The following CTNNA1 variants were observed in gnomAD, a reference collection of about 807,000 sequenced individuals.
CTNNA1 encodes the protein catenin alpha-1.
A neutral mutation model predicts 98.4 loss-of-function variants in CTNNA1; 37 were observed. That is an observed-to-expected ratio of 0.38 (90% confidence interval 0.29 to 0.49). CTNNA1 has a LOEUF of 0.49. Ranked by LOEUF, CTNNA1 falls within the 20% of genes least tolerant of loss-of-function variation. CTNNA1 has a pLI of 0.95. For synonymous variants in CTNNA1, 404 were observed against 413.2 expected, an observed-to-expected ratio of 0.98 and a Z score of 0.27; for missense variants, 761 against 1,147.2, an observed-to-expected ratio of 0.66 and a Z score of 4.86.
rs1750943075 is a variant in CTNNA1 at position 138,873,762 on chromosome 5, C to T, written c.1063-12450C>T. 1 of 1,613,968 alleles carries T rather than the reference C, an allele frequency of 6.2e-7. No individual in the cohort carries two copies. Among genetic ancestry groups the T allele is most frequent in the Non-Finnish European group, 8.5e-7 (1 of 1,179,888 alleles). Reference sequence around the variant, plus strand: ...GTTTCAAACACTGTCAAGTCGATGGCTTTGATTTCATTTCCAGTCAGGTCT... The same window carrying T: ...GTTTCAAACACTGTCAAGTCGATGGTTTTGATTTCATTTCCAGTCAGGTCT... On this transcript the variant is annotated intron_variant, in intron 7 of 17. Coordinates refer to ENST00000302763, the MANE Select transcript of CTNNA1 (RefSeq NM_001903.5). The surrounding 1 kb of genome is among the most constrained non-coding windows in gnomAD (Gnocchi z 6.1).
chr5:138,820,129 A>G (rs911033286), intron 5 of CTNNA1, among the ~76,000 whole-genome samples: 2 of 149,060 alleles, frequency 1.3e-5, no homozygotes, highest in Non-Finnish European at 3.0e-5. Flanking sequence ...CAGTGCAAGT[A>G]TGGGCTAATA....
At chr5:138,906,132 A>G (rs1759206655) in intron 10 of CTNNA1, among the ~76,000 whole-genome samples, 1 of 152,092 alleles carries the variant, frequency 6.6e-6, no homozygotes, top group Admixed American at 6.5e-5. Context: ...TTAGTAGGGC[A>G]TTTGTTCTAA....
intron 3 of CTNNA1, among the ~76,000 whole-genome samples, chr5:138,788,992 G>C (rs1756030588): frequency 6.6e-6 from 1 of 152,170 alleles, no homozygotes; most frequent in Admixed American, 6.5e-5. Context: ...CCACCTTTTT[G>C]TATTCCTGCA....
chr5:138,915,012 T>A (rs1311547773), intron 10 of CTNNA1, among the ~76,000 whole-genome samples: 1 of 152,124 alleles, frequency 6.6e-6, no homozygotes, highest in Admixed American at 6.5e-5. Flanking sequence ...CCAGATGTGG[T>A]GGCGGGCGCC....
In CTNNA1 at chr5:138,932,607, G is replaced by A. The variant is rs774704189; in HGVS notation, c.2328G>A (p.Leu776=). ...CCGACTCGGCTTGCAAGCAGGACCT[G>A]CTGGCCTACCTGCAACGCATCGCCC... ...HCPDSACKQD[L]LAYLQRIALY... Residue 776 remains leucine, a synonymous_variant, in exon 17 of 18, where the codon CTG becomes CTA. Transcript: ENST00000302763. 13 of 1,614,172 alleles carry A rather than the reference G, an allele frequency of 8.1e-6. No homozygotes were observed. In the Middle Eastern group the frequency reaches 4.9e-4, roughly 61 times the overall value.
chr5:138,776,619 G>C (rs1460072981), intron 1 of CTNNA1, among the ~76,000 whole-genome samples: 1 of 152,042 alleles, frequency 6.6e-6, no homozygotes, highest in East Asian at 1.9e-4. Flanking sequence ...CAGTAGGAGC[G>C]GCCGGGCAGA....
rs376995990 is a variant in CTNNA1, at chr5:138,914,212, G to A, written c.1390-3530G>A. ...CTTTGTAGTGAAAAATAAGTAAAAC[G>A]TGTGATTAATTCCCTGCCCATGTTT... On this transcript the variant is annotated intron_variant, in intron 10 of 17. Coordinates refer to ENST00000302763, the MANE Select transcript of CTNNA1 (RefSeq NM_001903.5). Among the ~76,000 whole-genome samples the A allele has an allele frequency of 1.5e-3, 233 of 152,238 alleles. 1 individual carries two copies. Among genetic ancestry groups the A allele is most frequent in the African/African-American group, 5.1e-3 (211 of 41,540 alleles).
chr5:138,815,216 C>T (rs921350625), intron 5 of CTNNA1, among the ~76,000 whole-genome samples: 1 of 151,590 alleles, frequency 6.6e-6, no homozygotes, highest in Non-Finnish European at 1.5e-5. Context: ...GTATTTTTTT[C>T]ATGTGTTTTT....
chr5:138,829,404 T>C (rs1469653398), intron 7 of CTNNA1, among the ~76,000 whole-genome samples: 1 of 152,164 alleles, frequency 6.6e-6, no homozygotes, highest in Non-Finnish European at 1.5e-5. Flanking sequence ...AAAAGTGTCT[T>C]ATGTAGTTAT....
intron 7 of CTNNA1, among the ~76,000 whole-genome samples, chr5:138,862,649 T>A (rs1228109094): frequency 6.6e-6 from 1 of 152,104 alleles, no homozygotes; most frequent in Non-Finnish European, 1.5e-5. Context: ...ATATCATATC[T>A]AATATTATAG....
intron 10 of CTNNA1, among the ~76,000 whole-genome samples, chr5:138,910,222 T>C (rs1435009326): frequency 7.9e-6 from 1 of 126,096 alleles, no homozygotes; most frequent in Non-Finnish European, 1.6e-5. Context: ...TGTTTCCTAC[T>C]TTTCTTTTTT....
At chr5:138,875,732 ATGCAAGGTAGTGTCGC>A in intron 7 of CTNNA1, 3 of 985,286 alleles carry the variant, frequency 3.0e-6, no homozygotes, top group Non-Finnish European at 3.6e-6. Context: ...ACACCAGCCT[ATGCAAGGTAGTGTCGC>A]TGCACTGGTA....
intron 3 of CTNNA1, among the ~76,000 whole-genome samples, chr5:138,802,062 A>T (rs1469746330): frequency 6.6e-6 from 1 of 152,210 alleles, no homozygotes; most frequent in Admixed American, 6.5e-5. Flanking sequence ...AATGTTGGAA[A>T]TGGGTCCAAA....
chr5:138,890,244 G>A (rs1406903950), intron 9 of CTNNA1, among the ~76,000 whole-genome samples: 1 of 152,170 alleles, frequency 6.6e-6, no homozygotes, highest in Non-Finnish European at 1.5e-5. Context: ...TCTGCCAGAT[G>A]TGTTTGGGTT....
chr5:138,931,208 G>A (rs1765231052), intron 16 of CTNNA1: 2 of 419,676 alleles, frequency 4.8e-6, no homozygotes, highest in Non-Finnish European at 8.9e-6. Flanking sequence ...GGGGCCGAGA[G>A]CAGCCAGAAG....
At chr5:138,880,046 T>G (rs1752554163) in intron 7 of CTNNA1, 2 of 152,180 alleles carry the variant, frequency 1.3e-5, no homozygotes, top group Non-Finnish European at 2.9e-5. Flanking sequence ...AAGTTGGGCA[T>G]TAGGTTATGG....
intron 1 of CTNNA1, among the ~76,000 whole-genome samples, chr5:138,779,801 C>T (rs1263221697): frequency 1.3e-5 from 2 of 151,698 alleles, no homozygotes; most frequent in African/African-American, 4.9e-5. Context: ...CTGCAACCTC[C>T]ACCTCCCAGG....
chr5:138,781,910 G>A lies in CTNNA1; in HGVS notation c.-2-13G>A. 1 of 1,569,404 alleles carries A rather than the reference G, an allele frequency of 6.4e-7. No homozygotes were observed. Among genetic ancestry groups the A allele is most frequent in the Non-Finnish European group, 8.6e-7 (1 of 1,167,180 alleles). ...TTGATGTTTGCCTGACTGACTTTTTGTTTCTTATTTAGAAATGACTGCTGT... is the reference window on the plus strand; with the variant it reads ...TTGATGTTTGCCTGACTGACTTTTTATTTCTTATTTAGAAATGACTGCTGT... On this transcript the variant is annotated splice_polypyrimidine_tract_variant and intron_variant, in intron 1 of 17. Coordinates refer to ENST00000302763, the MANE Select transcript of CTNNA1 (RefSeq NM_001903.5).
chr5:138,776,938 C>T (rs1435490364), intron 1 of CTNNA1, among the ~76,000 whole-genome samples: 3 of 133,134 alleles, frequency 2.3e-5, no homozygotes, highest in African/African-American at 8.8e-5. Context: ...GGCGGCTGGC[C>T]GGGCGGGGGG....
Sources: gnomAD v4.1 joint callset for allele counts (sites outside exome capture counted in the v4.1 genomes callset) on GRCh38, gnomAD v4.1.1 for gene constraint, Gnocchi (gnomAD v3.1) non-coding constraint, MANE v1.5 for transcripts, NCBI Gene and HGNC (gene_info 2026-07-23, HGNC 2026-07-21) for gene names.